SLC10A7: variants seen among roughly 807,000 people sequenced by gnomAD.
The protein encoded by SLC10A7 is solute carrier family 10 member 7.
SLC10A7 carries 29 observed loss-of-function variants against 43.2 expected under a neutral mutation model. The observed-to-expected ratio is 0.67, with a 90% confidence interval of 0.50 to 0.92. The LOEUF is 0.92. SLC10A7 is among the 40% of genes least tolerant of loss of function. The pLI is 0.00. For missense variants in SLC10A7, 295 were observed against 403.2 expected (o/e 0.73, Z 2.30); for synonymous variants, 152 against 144.8 (o/e 1.05, Z -0.35).
chr4:146,274,196 T>C (rs2111068666), intron 10 of SLC10A7, among the ~76,000 whole-genome samples: 1 of 149,806 alleles, frequency 6.7e-6, no homozygotes, highest in Middle Eastern at 3.4e-3. Context: ...TTGTTCAGAT[T>C]ATACTTTTTT....
intron 5 of SLC10A7, among the ~76,000 whole-genome samples, chr4:146,350,390 G>A (rs1446199859): frequency 1.1e-5 from 1 of 87,626 alleles, no homozygotes; most frequent in Non-Finnish European, 2.3e-5. Context: ...TACGCCCACG[G>A]AATCTCGCTG....
chr4:146,358,507 G>A (rs905172756), intron 5 of SLC10A7, among the ~76,000 whole-genome samples: 1 of 152,156 alleles, frequency 6.6e-6, no homozygotes, highest in Admixed American at 6.5e-5. Context: ...AGTACTTCAG[G>A]AAAATCTCTC....
intron 5 of SLC10A7, among the ~76,000 whole-genome samples, chr4:146,427,342 A>G (rs1329178213): frequency 6.6e-6 from 1 of 152,158 alleles, no homozygotes. Flanking sequence ...AAAGAAAAGT[A>G]TTCTTCTTAA....
At chr4:146,357,665 G>A (rs993787494) in intron 5 of SLC10A7, among the ~76,000 whole-genome samples, 2 of 152,152 alleles carry the variant, frequency 1.3e-5, no homozygotes, top group Non-Finnish European at 2.9e-5. Context: ...TTAAACTATG[G>A]AAATTCAATT....
intron 5 of SLC10A7, among the ~76,000 whole-genome samples, chr4:146,402,258 C>T (rs902856031): frequency 1.3e-5 from 2 of 152,158 alleles, no homozygotes; most frequent in Non-Finnish European, 2.9e-5. Context: ...AAACATCAGG[C>T]AATACTGATA....
rs111495215 is a variant in SLC10A7, at chr4:146,521,678, C to G, written c.40G>C (p.Val14Leu). The G allele has an allele frequency of 6.2e-7, 1 of 1,614,076 alleles. No homozygotes were observed. Among genetic ancestry groups the G allele is most frequent in the African/African-American group, 1.3e-5 (1 of 74,920 alleles). ...LERMRKDWFM[V>L]GIVLAIAGAK... is the part of the protein sequence containing the mutation. ...CCAGCGATCGCCAGCACTATTCCGACCATGAACCAGTCTTTCCTCATTCTC... is the reference window on the plus strand; with the variant it reads ...CCAGCGATCGCCAGCACTATTCCGAGCATGAACCAGTCTTTCCTCATTCTC... Residue 14 changes from valine to leucine, a missense_variant, in exon 1 of 12, where the codon GTC becomes CTC. Coordinates refer to ENST00000335472, the MANE Select transcript of SLC10A7 (RefSeq NM_001029998.6).
intron 5 of SLC10A7, among the ~76,000 whole-genome samples, chr4:146,389,499 T>C (rs564943158): frequency 6.6e-6 from 1 of 152,296 alleles, no homozygotes; most frequent in East Asian, 1.9e-4. Context: ...AAATAAATGT[T>C]TTTGTTAAAG....
intron 10 of SLC10A7, among the ~76,000 whole-genome samples, chr4:146,262,640 A>G (rs1345985006): frequency 1.3e-5 from 2 of 152,210 alleles, no homozygotes; most frequent in African/African-American, 2.4e-5. Flanking sequence ...CTGATCAAGT[A>G]CTCTGTAGAA....
At chr4:146,346,604 ATATT>A (rs200706587) in intron 5 of SLC10A7, among the ~76,000 whole-genome samples, 1,583 of 152,252 alleles carry the variant, frequency 0.01, 13 homozygotes, top group Non-Finnish European at 0.014. Context: ...CTTTTCAGCT[ATATT>A]TATTTTTCAA....
At chr4:146,321,998 G>A (rs983796488) in intron 6 of SLC10A7, among the ~76,000 whole-genome samples, 4 of 152,132 alleles carry the variant, frequency 2.6e-5, no homozygotes, top group African/African-American at 4.8e-5. Flanking sequence ...GGATAGCCCC[G>A]TTGACTCAGA....
intron 5 of SLC10A7, among the ~76,000 whole-genome samples, chr4:146,436,286 A>AT (rs1197452653): frequency 6.6e-6 from 1 of 152,122 alleles, no homozygotes; most frequent in Non-Finnish European, 1.5e-5. Context: ...AACAAAGACC[A>AT]TTTTTTATTT....
chr4:146,508,957 C>T (rs1737184111), intron 3 of SLC10A7, among the ~76,000 whole-genome samples: 2 of 152,156 alleles, frequency 1.3e-5, no homozygotes, highest in Admixed American at 6.5e-5. Flanking sequence ...CATCACCAGG[C>T]TCTGGCCTTC....
chr4:146,366,109 C>T (rs1736373016), intron 5 of SLC10A7, among the ~76,000 whole-genome samples: 1 of 152,180 alleles, frequency 6.6e-6, no homozygotes, highest in South Asian at 2.1e-4. Flanking sequence ...CAGCCTCACC[C>T]CATGGAAAAA....
intron 5 of SLC10A7, among the ~76,000 whole-genome samples, chr4:146,406,787 G>A (rs546715413): frequency 3.9e-5 from 6 of 152,060 alleles, no homozygotes; most frequent in South Asian, 2.1e-4. Context: ...GTTTGAGACC[G>A]GGCTGGCCAA....
At chr4:146,329,128 T>C (rs75297488) in intron 5 of SLC10A7, among the ~76,000 whole-genome samples, 2 of 152,358 alleles carry the variant, frequency 1.3e-5, no homozygotes, top group African/African-American at 2.4e-5. Flanking sequence ...CAAGGACTTA[T>C]AACATTTGTT....
At chr4:146,498,820 C>A (rs953005450) in intron 4 of SLC10A7, among the ~76,000 whole-genome samples, 11 of 152,140 alleles carry the variant, frequency 7.2e-5, no homozygotes, top group African/African-American at 2.4e-4. Context: ...GTTATAACAA[C>A]ATATTTTTTT....
chr4:146,350,040 G>A (rs1028834883), intron 5 of SLC10A7, among the ~76,000 whole-genome samples: 6 of 152,012 alleles, frequency 3.9e-5, no homozygotes, highest in Non-Finnish European at 5.9e-5. Context: ...CAAGATGGCC[G>A]AATAGGAACA....
intron 10 of SLC10A7, among the ~76,000 whole-genome samples, chr4:146,262,549 A>G (rs1366085557): frequency 1.3e-5 from 2 of 152,216 alleles, no homozygotes; most frequent in Non-Finnish European, 2.9e-5. Context: ...AGACTATGTA[A>G]CGCACCACTC....
intron 5 of SLC10A7, among the ~76,000 whole-genome samples, chr4:146,384,769 G>A (rs1447213186): frequency 6.6e-6 from 1 of 152,096 alleles, no homozygotes; most frequent in Admixed American, 6.6e-5. Flanking sequence ...TGGGCCTACT[G>A]GGAGGTGCCT....
Sources: allele counts gnomAD v4.1 joint callset (sites outside exome capture counted in the v4.1 genomes callset), GRCh38; gene constraint gnomAD v4.1.1; transcripts MANE v1.5; gene names NCBI Gene and HGNC (gene_info 2026-07-23, HGNC 2026-07-21).